Variants in STON1 observed in about 807,000 individuals in gnomAD.
The protein encoded by STON1 is stonin 1.
STON1 carries 79 observed loss-of-function variants against 60.9 expected under a neutral mutation model. The ratio of observed to expected loss-of-function variants is 1.30; its 90% CI spans 1.08 to 1.56. The LOEUF is 1.56. Among genes scored for constraint, STON1 ranks in the 40% most tolerant of loss-of-function variants. The probability of loss-of-function intolerance (pLI) is 0.00; values close to 1 mark genes in which losing one functional copy is unlikely to be tolerated. For synonymous variants in STON1, 363 were observed against 306.9 expected, an observed-to-expected ratio of 1.18 and a Z score of -1.91; for missense variants, 1,166 against 858.9, an observed-to-expected ratio of 1.36 and a Z score of -4.47.
Position 48,595,410 on chromosome 2 carries a change from T to G in STON1, c.*108T>G. 1.1e-6 allele frequency: 1 copy of G among 941,196 alleles called. No individual in the cohort carries two copies. The allele number at this position is 941,196 out of a possible 1,614,324, so 58.3% of individuals were successfully genotyped here. ...GGAAATGACTTCTGAATAGCGGTTT[T>G]AGGACAGGTCTGATGGCTGTGTTTA... On this transcript the variant is annotated 3_prime_UTR_variant, in exon 4 of 4. Transcript: ENST00000404752.
At position 48,580,926 on chromosome 2, in the gene STON1, G is replaced by T; in HGVS notation, c.293G>T (p.Gly98Val). ...FPGFPGIPKA[G>V]THVLYPIPES... ...GGTTTTCCTGGCATCCCCAAAGCAG[G>T]GACTCATGTGCTTTATCCTATTCCA... Residue 98 changes from glycine to valine, a missense_variant, in exon 2 of 4, where the codon GGG becomes GTG. Transcript: ENST00000404752. 1 of 1,598,528 alleles carries T rather than the reference G, an allele frequency of 6.3e-7. No homozygotes were observed. The highest frequency in any genetic ancestry group is 2.2e-5 in the East Asian group (1 of 44,534).
chr2:48,539,033 T>A (rs1286120414), intron 1 of STON1, among the ~76,000 whole-genome samples: 2 of 152,150 alleles, frequency 1.3e-5, no homozygotes, highest in African/African-American at 4.8e-5. Context: ...TCCTCTTGCC[T>A]CAGCCTCCCT....
At chr2:48,595,056 A>C (rs1023025358) in intron 3 of STON1, among the ~76,000 whole-genome samples, 172 bp from the exon 4 acceptor site, 4 of 152,310 alleles carry the variant, frequency 2.6e-5, no homozygotes, top group African/African-American at 9.6e-5. Context: ...GTTGTTCAAA[A>C]GGAGAGCAGA....
At chr2:48,563,691 T>C (rs1483098267) in intron 1 of STON1, among the ~76,000 whole-genome samples, 1 of 133,150 alleles carries the variant, frequency 7.5e-6, no homozygotes, top group East Asian at 2.4e-4. Context: ...TGTTTGTTTG[T>C]TTTTGTTGTT....
intron 1 of STON1, among the ~76,000 whole-genome samples, chr2:48,576,185 C>CTTTTTTTTTTTTTTT (rs34849002): frequency 4.8e-5 from 3 of 63,062 alleles, no homozygotes; most frequent in Admixed American, 2.8e-4. Flanking sequence ...GTTTTCCTTT[C>CTTTTTTTTTTTTTTT]TTTTTTTTTT....
At chr2:48,557,549 C>T (rs1672432352) in intron 1 of STON1, among the ~76,000 whole-genome samples, 1 of 113,892 alleles carries the variant, frequency 8.8e-6, no homozygotes, top group Non-Finnish European at 1.9e-5. Context: ...CGGGCAGAGG[C>T]TGCAATCTCG....
At chr2:48,563,853 C>G (rs1209365015) in intron 1 of STON1, among the ~76,000 whole-genome samples, 1 of 151,932 alleles carries the variant, frequency 6.6e-6, no homozygotes, top group Non-Finnish European at 1.5e-5. Flanking sequence ...GCCACCATGC[C>G]TGGCGAATTT....
In STON1 at chr2:48,581,968, C is replaced by A. The variant is rs776444490; in HGVS notation, c.1335C>A (p.Leu445=). 1.1e-5 allele frequency: 17 copies of A among 1,614,066 alleles called. No homozygotes were observed. The highest frequency in any genetic ancestry group is 5.3e-5 in the African/African-American group (4 of 74,926). ...CTGTGATAACTCAAATTTATTGCCT[C>A]TGCTTTGTGAATGGGAACCTGGAAT... The part of the protein sequence containing the change: ...ESAVITQIYC[L]CFVNGNLECF... Residue 445 remains leucine, a synonymous_variant, in exon 2 of 4, where the codon CTC becomes CTA. Coordinates refer to ENST00000404752, the MANE Select transcript of STON1 (RefSeq NM_006873.4).
intron 1 of STON1, among the ~76,000 whole-genome samples, chr2:48,540,922 A>T (rs1163240346): frequency 6.6e-6 from 1 of 152,160 alleles, no homozygotes; most frequent in Non-Finnish European, 1.5e-5. Context: ...GTTGGTGATT[A>T]TTATGGTGTG....
chr2:48,584,195 C>T (rs1243185410), intron 2 of STON1, among the ~76,000 whole-genome samples: 1 of 152,124 alleles, frequency 6.6e-6, no homozygotes, highest in Middle Eastern at 3.2e-3. Context: ...TCATCTAGGC[C>T]CCTCCAGGCT....
intron 1 of STON1, among the ~76,000 whole-genome samples, chr2:48,566,312 A>T (rs1282132609): frequency 2.0e-5 from 3 of 152,168 alleles, no homozygotes; most frequent in African/African-American, 7.2e-5. Context: ...AGTAGCTGGG[A>T]TTACAGGTGC....
chr2:48,578,059 C>T (rs1004325534), intron 1 of STON1, among the ~76,000 whole-genome samples: 3 of 152,216 alleles, frequency 2.0e-5, no homozygotes, highest in Non-Finnish European at 4.4e-5. Context: ...TGGCTTACTG[C>T]AACCTCTGCC....
intron 1 of STON1, among the ~76,000 whole-genome samples, chr2:48,573,673 A>C (rs1673331865): frequency 6.6e-6 from 1 of 152,212 alleles, no homozygotes; most frequent in African/African-American, 2.4e-5. Context: ...TGGTTTTTCC[A>C]CACCTAGGTA....
chr2:48,571,378 G>C (rs1673202643), intron 1 of STON1, among the ~76,000 whole-genome samples: 4 of 152,216 alleles, frequency 2.6e-5, no homozygotes, highest in Admixed American at 2.0e-4. Flanking sequence ...CTGGATTTGA[G>C]ACTTTGGGGA....
intron 1 of STON1, chr2:48,531,031 A>G (rs1218704367): frequency 6.6e-6 from 1 of 152,254 alleles, no homozygotes; most frequent in Non-Finnish European, 1.5e-5. Flanking sequence ...TCTAATATCT[A>G]AAGACAGAAG....
intron 1 of STON1, among the ~76,000 whole-genome samples, chr2:48,535,372 A>C (rs1671382436): frequency 6.6e-6 from 1 of 152,112 alleles, no homozygotes; most frequent in Admixed American, 6.6e-5. Context: ...ATTTAGTGTG[A>C]GTGATTCTGG....
rs539615824 is a variant in STON1, at chr2:48,536,684, G to A, written c.-48+6468G>A. 7.3e-5 allele frequency among the ~76,000 whole-genome samples: 11 copies of A among 151,282 alleles called. No individual in the cohort carries two copies. The South Asian group carries it at 1.9e-3, about 26-fold the overall frequency. On this transcript the variant is annotated intron_variant, in intron 1 of 3. Coordinates refer to ENST00000404752, the MANE Select transcript of STON1 (RefSeq NM_006873.4). Reference sequence around the variant, plus strand: ...TTGGATTTGACCAATTTATATAAACGTTAGTTTGTCTAGTTGCACACACAC... The same window carrying A: ...TTGGATTTGACCAATTTATATAAACATTAGTTTGTCTAGTTGCACACACAC...
intron 1 of STON1, among the ~76,000 whole-genome samples, chr2:48,579,754 AT>A (rs1247765379): frequency 6.6e-6 from 1 of 152,122 alleles, no homozygotes; most frequent in African/African-American, 2.4e-5. Context: ...GTTCAAGTCT[AT>A]TGTTTCTTTA....
At chr2:48,571,407 G>C (rs531208656) in intron 1 of STON1, among the ~76,000 whole-genome samples, 1 of 152,192 alleles carries the variant, frequency 6.6e-6, no homozygotes, top group Non-Finnish European at 1.5e-5. Flanking sequence ...AGAAGCTGTG[G>C]TCTGCTCTGG....
Sources: allele counts gnomAD v4.1 joint callset (sites outside exome capture counted in the v4.1 genomes callset), GRCh38; gene constraint gnomAD v4.1.1; transcripts MANE v1.5; gene names NCBI Gene and HGNC (gene_info 2026-07-23, HGNC 2026-07-21).